TENM3: variants seen among roughly 807,000 people sequenced by gnomAD.
The protein encoded by TENM3 is teneurin transmembrane protein 3.
In TENM3, 63 loss-of-function variants were observed where a neutral mutation model predicts 255.1. The ratio of observed to expected loss-of-function variants is 0.25; its 90% confidence interval spans 0.20 to 0.30. The LOEUF (loss-of-function observed/expected upper bound fraction) is 0.30, where lower values mean the gene tolerates loss of function less well. Ranked by LOEUF, TENM3 falls within the 10% of genes least tolerant of loss-of-function variation. The pLI is 1.00. For missense variants in TENM3, 2,929 were observed against 3,461.1 expected, an observed-to-expected ratio of 0.85 and a Z score of 3.86; for synonymous variants, 1,306 against 1,322.3, an observed-to-expected ratio of 0.99 and a Z score of 0.27.
intron 1 of TENM3, among the ~76,000 whole-genome samples, chr4:182,187,919 CAG>C (rs1160300691): frequency 1.3e-5 from 2 of 152,006 alleles, no homozygotes; most frequent in African/African-American, 2.4e-5. Context: ...GAAAATTAAA[CAG>C]TATTTTTAAG....
intron 1 of TENM3, among the ~76,000 whole-genome samples, chr4:182,169,901 C>G (rs953008381): frequency 1.3e-5 from 2 of 151,704 alleles, no homozygotes; most frequent in South Asian, 2.1e-4. Context: ...TTAATCTTAC[C>G]ATCTGGTAGA....
the TENM3 span, among the ~76,000 whole-genome samples, chr4:182,031,870 T>C: frequency 6.6e-6 from 1 of 152,178 alleles, no homozygotes; most frequent in Non-Finnish European, 1.5e-5. Context: ...TGCTGATGTG[T>C]AGGAATGCTT....
At chr4:181,824,432 C>T in the TENM3 span, among the ~76,000 whole-genome samples, 1 of 152,130 alleles carries the variant, frequency 6.6e-6, no homozygotes, top group Admixed American at 6.6e-5. Context: ...TAGAAGTATG[C>T]TGGTCCAATA....
chr4:181,755,818 G>A, the TENM3 span, among the ~76,000 whole-genome samples: 2 of 152,048 alleles, frequency 1.3e-5, no homozygotes, highest in African/African-American at 4.8e-5. Flanking sequence ...GGTTTGTTGG[G>A]TCTTGATGAA....
chr4:182,573,880 T>C (rs1440083056), intron 3 of TENM3, among the ~76,000 whole-genome samples: 1 of 152,154 alleles, frequency 6.6e-6, no homozygotes, highest in Non-Finnish European at 1.5e-5. Context: ...GCAGAAATTT[T>C]TTTCACACTT....
chr4:181,655,090 G>A, the TENM3 span, among the ~76,000 whole-genome samples: 2 of 152,242 alleles, frequency 1.3e-5, no homozygotes, highest in East Asian at 1.9e-4. Context: ...CTGGAACCCA[G>A]GAAGGCCAAT....
chr4:181,615,243 C>T, the TENM3 span, among the ~76,000 whole-genome samples: 1 of 152,120 alleles, frequency 6.6e-6, no homozygotes, highest in Non-Finnish European at 1.5e-5. Context: ...AATAGCAGCT[C>T]TCTACTGTAT....
intron 1 of TENM3, among the ~76,000 whole-genome samples, chr4:182,286,717 A>T (rs11943823): frequency 6.6e-6 from 1 of 152,006 alleles, no homozygotes; most frequent in Non-Finnish European, 1.5e-5. Flanking sequence ...GGTAATACGA[A>T]AAAACCCCAC....
the TENM3 span, among the ~76,000 whole-genome samples, chr4:182,106,457 C>T: frequency 6.6e-6 from 1 of 152,062 alleles, no homozygotes; most frequent in Admixed American, 6.5e-5. Context: ...GCCCCTGCCT[C>T]CAAAAATAAA....
chr4:181,478,059 C>G, the TENM3 span, among the ~76,000 whole-genome samples: 1 of 152,108 alleles, frequency 6.6e-6, no homozygotes, highest in African/African-American at 2.4e-5. Context: ...AAAATTATAA[C>G]CATATCAATT....
At chr4:181,606,093 C>A in the TENM3 span, among the ~76,000 whole-genome samples, 5 of 152,162 alleles carry the variant, frequency 3.3e-5, no homozygotes, top group African/African-American at 7.2e-5. Context: ...CCTTTCAATT[C>A]TACCCTCAGA....
At chr4:182,549,620 A>G (rs970047722) in intron 3 of TENM3, among the ~76,000 whole-genome samples, 6 of 152,130 alleles carry the variant, frequency 3.9e-5, no homozygotes, top group Non-Finnish European at 7.4e-5. Flanking sequence ...AGCACTTTTC[A>G]CTGAGGAGCC....
At chr4:182,475,247 GC>G (rs1733562201) in intron 3 of TENM3, among the ~76,000 whole-genome samples, 1 of 152,106 alleles carries the variant, frequency 6.6e-6, no homozygotes, top group Non-Finnish European at 1.5e-5. Context: ...AGATGCCTAT[GC>G]CTAAGTTGCC....
the TENM3 span, among the ~76,000 whole-genome samples, chr4:181,896,701 T>C: frequency 6.6e-6 from 1 of 152,204 alleles, no homozygotes; most frequent in African/African-American, 2.4e-5. Flanking sequence ...CAGGGCTCCC[T>C]TCTCTTCGTT....
chr4:181,460,294 G>A, the TENM3 span, among the ~76,000 whole-genome samples: 2 of 151,886 alleles, frequency 1.3e-5, no homozygotes, highest in African/African-American at 4.8e-5. Flanking sequence ...AAACGTGCTA[G>A]GGTTAAAATA....
the TENM3 span, among the ~76,000 whole-genome samples, chr4:181,920,165 C>T: frequency 1.6e-3 from 236 of 152,002 alleles, no homozygotes; most frequent in African/African-American, 5.3e-3. Flanking sequence ...CCAAGTCTTT[C>T]CTATTGTGAA....
At chr4:182,161,773 A>ATATATACACATATATATG in intron 1 of TENM3, among the ~76,000 whole-genome samples, 1 of 48,842 alleles carries the variant, frequency 2.0e-5, no homozygotes, top group African/African-American at 9.8e-5. Flanking sequence ...ATATGTGTAT[A>ATATATACACATATATATG]TATATATACA....
At chr4:182,507,903 T>C (rs1236770558) in intron 3 of TENM3, among the ~76,000 whole-genome samples, 1 of 152,200 alleles carries the variant, frequency 6.6e-6, no homozygotes, top group Admixed American at 6.5e-5. Flanking sequence ...ACTTAAGTGA[T>C]GAATATATTA....
chr4:181,625,696 C>T, the TENM3 span, among the ~76,000 whole-genome samples: 1 of 151,956 alleles, frequency 6.6e-6, no homozygotes, highest in Non-Finnish European at 1.5e-5. Context: ...CGCCTGTAGT[C>T]CCAGCCACTC....
Sources: allele counts gnomAD v4.1 joint callset (sites outside exome capture counted in the v4.1 genomes callset), GRCh38; gene constraint gnomAD v4.1.1; transcripts MANE v1.5; gene names NCBI Gene and HGNC (gene_info 2026-07-23, HGNC 2026-07-21).